Variants in STXBP5L observed in about 807,000 individuals in gnomAD.
STXBP5L encodes syntaxin-binding protein 5-like.
A neutral mutation model predicts 144.5 loss-of-function variants in STXBP5L; 65 were observed. The observed-to-expected ratio is 0.45, with a 90% CI of 0.37 to 0.55. STXBP5L has a LOEUF of 0.55. Among genes scored for constraint, STXBP5L ranks in the 20% least tolerant of loss-of-function variants. The pLI, the probability that STXBP5L is intolerant of heterozygous loss-of-function variation, is 0.00. For synonymous variants in STXBP5L, 505 were observed against 469.6 expected, an observed-to-expected ratio of 1.08 and a Z score of -0.97; for missense variants, 1,298 against 1,405.5, an observed-to-expected ratio of 0.92 and a Z score of 1.22.
At chr3:120,959,175 C>G (rs563585643) in intron 3 of STXBP5L, among the ~76,000 whole-genome samples, 3 of 152,240 alleles carry the variant, frequency 2.0e-5, no homozygotes, top group Admixed American at 2.0e-4. Context: ...AATAAAATAC[C>G]TAGGAATCCA....
chr3:121,271,546 C>A (rs553772827), intron 18 of STXBP5L, among the ~76,000 whole-genome samples: 8 of 152,134 alleles, frequency 5.3e-5, no homozygotes, highest in African/African-American at 1.9e-4. Context: ...TATCAGTATA[C>A]AAAGCTAAGA....
chr3:121,374,671 A>G (rs1001200415), intron 20 of STXBP5L, among the ~76,000 whole-genome samples: 2 of 152,104 alleles, frequency 1.3e-5, no homozygotes, highest in Non-Finnish European at 2.9e-5. Context: ...ATAAAAAAAT[A>G]CAATTGAGTA....
chr3:121,395,016 T>A (rs751277664), intron 22 of STXBP5L, among the ~76,000 whole-genome samples: 59 of 152,146 alleles, frequency 3.9e-4, no homozygotes, highest in Non-Finnish European at 7.8e-4. Context: ...AATTCAGACT[T>A]TTGCCAGAAT....
At chr3:121,258,423 CATTG>C (rs1275144753) in intron 17 of STXBP5L, among the ~76,000 whole-genome samples, 1 of 152,116 alleles carries the variant, frequency 6.6e-6, no homozygotes, top group African/African-American at 2.4e-5. Context: ...CTTTTGTAAT[CATTG>C]ATTGTCCTCT....
chr3:121,187,583 A>C (rs573690234), intron 9 of STXBP5L, among the ~76,000 whole-genome samples: 1 of 138,664 alleles, frequency 7.2e-6, no homozygotes, highest in Admixed American at 7.7e-5. Flanking sequence ...AAAAATAGAA[A>C]AAAGAACCAT....
chr3:121,125,018 A>G (rs2044640857), intron 7 of STXBP5L, among the ~76,000 whole-genome samples: 1 of 152,118 alleles, frequency 6.6e-6, no homozygotes, highest in Non-Finnish European at 1.5e-5. Context: ...TTATTTCTTA[A>G]TTTGTTAATT....
At chr3:121,039,668 C>G (rs1947009803) in intron 3 of STXBP5L, among the ~76,000 whole-genome samples, 1 of 151,746 alleles carries the variant, frequency 6.6e-6, no homozygotes, top group Non-Finnish European at 1.5e-5. Context: ...TGAAAAGTGT[C>G]TTCATTTCAG....
chr3:121,300,415 C>G (rs1577396427), intron 19 of STXBP5L, among the ~76,000 whole-genome samples: 2 of 152,096 alleles, frequency 1.3e-5, no homozygotes, highest in South Asian at 4.1e-4. Flanking sequence ...CTCTGTGTTA[C>G]TCTTTCAGAA....
intron 5 of STXBP5L, 120 bp from the exon 6 acceptor site, chr3:121,114,805 T>C (rs2044159135): frequency 1.4e-5 from 8 of 554,820 alleles, no homozygotes; most frequent in Non-Finnish European, 2.4e-5. Context: ...CATGCTATAC[T>C]TGAGTATATA....
intron 8 of STXBP5L, among the ~76,000 whole-genome samples, chr3:121,155,270 A>G (rs2046072458): frequency 6.6e-6 from 1 of 151,778 alleles, no homozygotes; most frequent in African/African-American, 2.4e-5. Flanking sequence ...CATATTACTC[A>G]CTATCTTCCA....
chr3:120,931,276 A>G (rs1227525980), intron 2 of STXBP5L, among the ~76,000 whole-genome samples: 2 of 152,180 alleles, frequency 1.3e-5, no homozygotes, highest in Non-Finnish European at 2.9e-5. Context: ...AGGTAGGAAG[A>G]GTGGCATGAG....
At chr3:121,318,249 G>T (rs1255628632) in intron 19 of STXBP5L, among the ~76,000 whole-genome samples, 1 of 151,658 alleles carries the variant, frequency 6.6e-6, no homozygotes, top group Admixed American at 6.6e-5. Flanking sequence ...CTTCAGCCCA[G>T]GAGTTCAAGA....
chr3:121,311,440 A>T (rs998292057), intron 19 of STXBP5L, among the ~76,000 whole-genome samples: 6 of 152,248 alleles, frequency 3.9e-5, no homozygotes, highest in African/African-American at 1.4e-4. Flanking sequence ...ATGTTAAATT[A>T]AAAGTGTGGT....
At chr3:121,114,188 G>A (rs1413301607) in intron 5 of STXBP5L, among the ~76,000 whole-genome samples, 2 of 152,120 alleles carry the variant, frequency 1.3e-5, no homozygotes, top group Non-Finnish European at 2.9e-5. Flanking sequence ...TATTTAATAT[G>A]TAGGAGTCAT....
chr3:121,133,785 A>G (rs2045112407), intron 7 of STXBP5L, among the ~76,000 whole-genome samples: 1 of 152,136 alleles, frequency 6.6e-6, no homozygotes, highest in South Asian at 2.1e-4. Context: ...GGCCTTAAGA[A>G]ACTTACAATC....
In STXBP5L at chr3:121,407,257, T is replaced by C. The variant is rs762224083; in HGVS notation, c.2602T>C (p.Leu868=). Reference sequence around the variant, plus strand: ...TGTTTTTATAGGTACATTCCTCTCATTGAAAGGAGCTGTGCTAACATTCTC... The same window carrying C: ...TGTTTTTATAGGTACATTCCTCTCACTGAAAGGAGCTGTGCTAACATTCTC... The part of the protein sequence containing the change: ...MVLPSGTFLS[L]KGAVLTFSCM... Residue 868 remains leucine (L), a synonymous_variant, in exon 23 of 27, where the codon TTG becomes CTG. Transcript: ENST00000471454. 1.3e-6 allele frequency: 2 copies of C among 1,565,528 alleles called. No homozygotes were observed. Among genetic ancestry groups the C allele is most frequent in the Non-Finnish European group, 1.7e-6 (2 of 1,158,408 alleles).
chr3:121,050,068 T>A (rs1311267087), intron 5 of STXBP5L, among the ~76,000 whole-genome samples: 1 of 152,152 alleles, frequency 6.6e-6, no homozygotes, highest in Admixed American at 6.6e-5. Context: ...AATTGTCCTG[T>A]CTTGCTCTTC....
intron 2 of STXBP5L, among the ~76,000 whole-genome samples, chr3:120,932,356 A>G (rs1709988650): frequency 6.6e-6 from 1 of 152,226 alleles, no homozygotes; most frequent in Non-Finnish European, 1.5e-5. Flanking sequence ...TTGAGAAAGT[A>G]ATGCAGATGT....
intron 5 of STXBP5L, among the ~76,000 whole-genome samples, chr3:121,072,100 G>C (rs994260954): frequency 6.6e-6 from 1 of 152,202 alleles, no homozygotes; most frequent in Non-Finnish European, 1.5e-5. Context: ...CACAAATGCT[G>C]GGCCATTGTC....
Sources: allele counts gnomAD v4.1 joint callset (sites outside exome capture counted in the v4.1 genomes callset), GRCh38; gene constraint gnomAD v4.1.1; transcripts MANE v1.5; gene names NCBI Gene and HGNC (gene_info 2026-07-23, HGNC 2026-07-21).